The following CTDP1 variants were observed in gnomAD, a reference collection of about 807,000 sequenced individuals.
The protein encoded by CTDP1 is CTD phosphatase 1.
CTDP1 carries 47 observed loss-of-function variants against 91.8 expected under a neutral mutation model. That is an observed-to-expected ratio of 0.51 (90% CI 0.41 to 0.65). The LOEUF is 0.65. CTDP1 is among the 30% of genes least tolerant of loss of function. CTDP1 has a pLI of 0.00. For synonymous variants in CTDP1, 656 were observed against 598.5 expected (o/e 1.10, Z -1.40); for missense variants, 1,272 against 1,373.7 (o/e 0.93, Z 1.17).
At chr18:79,724,606 A>C (rs1286000580) in intron 10 of CTDP1, among the ~76,000 whole-genome samples, 1 of 152,198 alleles carries the variant, frequency 6.6e-6, no homozygotes, top group Non-Finnish European at 1.5e-5. Flanking sequence ...GTGGCTTACA[A>C]ATCCTTTCCT....
In CTDP1 at chr18:79,698,259, C is replaced by T. The variant is rs1275076197; in HGVS notation, c.621+271C>T. Among the ~76,000 whole-genome samples, 20 of 152,160 alleles carry T rather than the reference C, an allele frequency of 1.3e-4. No homozygotes were observed. In the East Asian group the frequency reaches 1.4e-3, roughly 10 times the overall value. On this transcript the variant is annotated intron_variant, in intron 4 of 12. Transcript: ENST00000613122. Reference sequence around the variant, plus strand: ...TTTGTGTGCCTGCCCGGCACGATGTCGGAGAAGGCAGAAACGTCCCGAGCC... The same window carrying T: ...TTTGTGTGCCTGCCCGGCACGATGTTGGAGAAGGCAGAAACGTCCCGAGCC...
At chr18:79,707,640 A>G (rs751355512) in intron 5 of CTDP1, among the ~76,000 whole-genome samples, 6 of 152,260 alleles carry the variant, frequency 3.9e-5, no homozygotes, top group Non-Finnish European at 5.9e-5. Context: ...CCCTTTGAAC[A>G]TGGATGCAGA....
At chr18:79,712,147 G>C (rs1392119455) in intron 6 of CTDP1, among the ~76,000 whole-genome samples, 1 of 152,236 alleles carries the variant, frequency 6.6e-6, no homozygotes, top group East Asian at 1.9e-4. Flanking sequence ...GTGTGTTACA[G>C]GGAAAAGTCA....
In CTDP1 at chr18:79,704,775, T is replaced by C; in HGVS notation, c.630T>C (p.Phe210=). The C allele has an allele frequency of 6.2e-7, 1 of 1,613,784 alleles. No individual in the cohort carries two copies. Among genetic ancestry groups the C allele is most frequent in the Non-Finnish European group, 8.5e-7 (1 of 1,180,046 alleles). The change falls in exon 5 of 13, where the codon TTT becomes TTC. Residue 210 remains phenylalanine, a synonymous_variant. Coordinates refer to ENST00000613122, the MANE Select transcript of CTDP1 (RefSeq NM_004715.5). ...GCTACTATTCTTTTTAGGGCATCTT[T>C]CACTTCCAGCTGGGCCGGGGTGAGC... ...HCQQMSNKGI[F]HFQLGRGEPM...
chr18:79,684,610 T>C (rs1027977019), intron 1 of CTDP1, among the ~76,000 whole-genome samples: 2 of 147,650 alleles, frequency 1.4e-5, no homozygotes, highest in African/African-American at 5.3e-5. Context: ...CCTCGTTGCC[T>C]GCGTTGTTGT....
At chr18:79,751,246 G>C (rs1255359761) in intron 12 of CTDP1, among the ~76,000 whole-genome samples, 1 of 147,148 alleles carries the variant, frequency 6.8e-6, no homozygotes, top group African/African-American at 2.5e-5. Context: ...GGACAGGCCG[G>C]GGAGGGAGGG....
intron 12 of CTDP1, chr18:79,749,903 C>G (rs1412352843): frequency 1.3e-5 from 2 of 152,282 alleles, no homozygotes; most frequent in African/African-American, 4.8e-5. Flanking sequence ...TTGTTAATTG[C>G]CAAAAGCTTG....
At chr18:79,694,561 A>G (rs115962303) in intron 1 of CTDP1, among the ~76,000 whole-genome samples, 3,765 of 98,338 alleles carry the variant, frequency 0.038, 208 homozygotes, top group African/African-American at 0.13. Context: ...ACCTAGGGTC[A>G]GGCGCTGAGT....
chr18:79,728,810 G>C, intron 10 of CTDP1, 97 bp from the exon 11 acceptor site: 1 of 1,199,952 alleles, frequency 8.3e-7, no homozygotes, highest in Non-Finnish European at 1.1e-6. Context: ...GGGTGTGTGA[G>C]TGTTTACCTA....
Position 79,717,881 on chromosome 18 carries a change from T to C in CTDP1, c.2282T>C (p.Val761Ala). 6.2e-7 allele frequency: 1 copy of C among 1,613,594 alleles called. No individual in the cohort carries two copies. Among genetic ancestry groups the C allele is most frequent in the Non-Finnish European group, 8.5e-7 (1 of 1,180,000 alleles). The change falls in exon 10 of 13, where the codon GTT (valine) becomes GCT (alanine). Residue 761 changes from valine to alanine, a missense_variant. Coordinates refer to ENST00000613122, the MANE Select transcript of CTDP1 (RefSeq NM_004715.5). Reference sequence around the variant, plus strand: ...ACCGCCTTGTTCCACCCGATGCCGGTTCTTCCCAAGGCCCAGCCTGGCCCC... The same window carrying C: ...ACCGCCTTGTTCCACCCGATGCCGGCTCTTCCCAAGGCCCAGCCTGGCCCC... Reference protein sequence around the residue: ...PPTALFHPMPVLPKAQPGPEV... With the variant: ...PPTALFHPMPALPKAQPGPEV...
rs758180792 is a variant in CTDP1 at position 79,753,748 on chromosome 18, G to A, written c.2844G>A (p.Glu948=). ...EDEGSSSEAD[E]MAKALEAELN... is the part of the protein sequence containing the mutation. ...AGGGCAGCAGCTCCGAGGCCGACGA[G>A]ATGGCCAAGGCGCTGGAGGCGGAGC... Residue 948 remains glutamate, a synonymous_variant, in exon 13 of 13, where the codon GAG becomes GAA. Transcript: ENST00000613122. 7 of 1,613,946 alleles carry A rather than the reference G, an allele frequency of 4.3e-6. No homozygotes were observed. In the South Asian group the frequency reaches 7.7e-5, roughly 18 times the overall value.
intron 11 of CTDP1, among the ~76,000 whole-genome samples, chr18:79,729,699 A>G (rs761482947): frequency 2.6e-5 from 4 of 152,154 alleles, no homozygotes; most frequent in Admixed American, 6.5e-5. Flanking sequence ...GCCCCCTGAT[A>G]GAAGGTTCCA....
intron 10 of CTDP1, among the ~76,000 whole-genome samples, chr18:79,721,984 T>C (rs1197096040): frequency 6.6e-6 from 1 of 152,148 alleles, no homozygotes; most frequent in Non-Finnish European, 1.5e-5. Flanking sequence ...CCACCACGCC[T>C]GGCTAATCTG....
chr18:79,737,072 G>T (rs771706971), intron 12 of CTDP1, among the ~76,000 whole-genome samples: 8 of 152,244 alleles, frequency 5.3e-5, no homozygotes, highest in Non-Finnish European at 7.3e-5. Flanking sequence ...CGCCTCCAGC[G>T]TGCGGTCTGT....
chr18:79,699,497 T>C (rs1169983891), intron 4 of CTDP1, among the ~76,000 whole-genome samples: 1 of 152,034 alleles, frequency 6.6e-6, no homozygotes, highest in Non-Finnish European at 1.5e-5. Flanking sequence ...TCTCCTGACT[T>C]TGTGATCCGC....
chr18:79,717,900 TG>T lies in CTDP1; in HGVS notation c.2303del (p.Gly768AlafsTer87). 1.9e-6 allele frequency: 3 copies of T among 1,613,606 alleles called. No individual in the cohort carries two copies. The highest frequency in any genetic ancestry group is 2.5e-6 in the Non-Finnish European group (3 of 1,180,018). ...PMPVLPKAQP[G>X]PEVRIYDSNT... ...TGCCGGTTCTTCCCAAGGCCCAGCC[TG>T]GCCCCGAGGTTCGGATCTACGACTC... is the stretch of plus-strand genomic sequence containing the variant. On this transcript the variant is annotated frameshift_variant, in exon 10 of 13. Coordinates refer to ENST00000613122, the MANE Select transcript of CTDP1 (RefSeq NM_004715.5). LOFTEE classifies it high-confidence loss of function.
intron 1 of CTDP1, among the ~76,000 whole-genome samples, chr18:79,694,606 C>T (rs2085708781): frequency 6.7e-6 from 1 of 148,156 alleles, no homozygotes; most frequent in South Asian, 2.1e-4. Context: ...GTGGGGCGGT[C>T]GGAGCAGCCC....
At chr18:79,730,396 G>A (rs1342317889) in intron 11 of CTDP1, among the ~76,000 whole-genome samples, 3 of 152,186 alleles carry the variant, frequency 2.0e-5, no homozygotes, top group Non-Finnish European at 2.9e-5. Context: ...TTTCCTGGTC[G>A]GGCGTGGAGG....
In CTDP1 at chr18:79,714,637, C is replaced by T. The variant is rs751142100; in HGVS notation, c.1177C>T (p.Arg393Trp). ...ELNGSEAATP[R>W]DSPRPGKPDE... ...GAACGGCAGCGAGGCCGCCACCCCG[C>T]GGGACTCACCCCGCCCCGGGAAGCC... The change falls in exon 8 of 13, where the codon CGG becomes TGG. Residue 393 changes from arginine (R) to tryptophan (W), a missense_variant. Around this residue, in one of 3 missense-constraint regions of CTDP1, gnomAD observed 881 missense variants for 911.6 expected, o/e 0.97. Transcript: ENST00000613122. 2.0e-5 allele frequency: 32 copies of T among 1,612,214 alleles called. No individual in the cohort carries two copies. The highest frequency in any genetic ancestry group is 1.3e-4 in the Admixed American group (8 of 59,972).
Sources: allele counts gnomAD v4.1 joint callset (sites outside exome capture counted in the v4.1 genomes callset), GRCh38; gene constraint gnomAD v4.1.1; regional missense constraint gnomAD v4.1.1; transcripts MANE v1.5; gene names NCBI Gene and HGNC (gene_info 2026-07-23, HGNC 2026-07-21).